Variants in CGNL1 observed in about 807,000 individuals in gnomAD.
CGNL1 encodes the protein cingulin like 1, also known as cingulin-like protein 1.
In CGNL1, 132 loss-of-function variants were observed where a neutral mutation model predicts 141.2. The observed-to-expected ratio is 0.93, with a 90% CI of 0.81 to 1.08. The LOEUF (loss-of-function observed/expected upper bound fraction) is 1.08. CGNL1 is among the 50% of genes least tolerant of loss of function. The pLI, the probability that CGNL1 is intolerant of heterozygous loss-of-function variation, is 0.00. For missense variants in CGNL1, 1,870 were observed against 1,588.6 expected (o/e 1.18, Z -3.01); for synonymous variants, 690 against 622.1 (o/e 1.11, Z -1.63).
chr15:57,390,091 C>T (rs2062525809), intron 1 of CGNL1, among the ~76,000 whole-genome samples: 1 of 152,208 alleles, frequency 6.6e-6, no homozygotes, highest in African/African-American at 2.4e-5. Context: ...GCTGGGATTA[C>T]AGGTGTGAGC....
chr15:57,418,933 CT>C (rs1555432553), intron 1 of CGNL1, among the ~76,000 whole-genome samples: 9 of 145,708 alleles, frequency 6.2e-5, no homozygotes, highest in Admixed American at 6.8e-5. Context: ...TGCCTGGTGC[CT>C]TTTTTTTTTT....
intron 10 of CGNL1, among the ~76,000 whole-genome samples, chr15:57,519,717 A>G (rs766381039): frequency 6.6e-6 from 1 of 151,946 alleles, no homozygotes; most frequent in South Asian, 2.1e-4. Context: ...CTGTTACCCA[A>G]CCTGGCTGCC....
chr15:57,531,900 G>A (rs1472576748), intron 14 of CGNL1, 121 bp downstream of exon 14: 6 of 651,966 alleles, frequency 9.2e-6, no homozygotes, highest in South Asian at 7.7e-5. Context: ...AGAAATTGAT[G>A]GAAGATTGAA....
At chr15:57,521,964 G>A (rs1448788007) in intron 10 of CGNL1, among the ~76,000 whole-genome samples, 2 of 152,012 alleles carry the variant, frequency 1.3e-5, no homozygotes, top group African/African-American at 4.8e-5. Flanking sequence ...TGTTTTGAGG[G>A]TTTTGTCCCA....
chr15:57,468,251 T>G (rs1408025228), intron 8 of CGNL1, among the ~76,000 whole-genome samples: 7 of 140,854 alleles, frequency 5.0e-5, no homozygotes, highest in Admixed American at 2.8e-4. Context: ...TTTTTTTTTT[T>G]TTTTTTTGAG....
Position 57,506,616 on chromosome 15 carries a change from G to A in CGNL1, c.2404-10164G>A, listed in dbSNP as rs2064106920. On this transcript the variant is annotated intron_variant, in intron 8 of 18. Coordinates refer to ENST00000281282, the MANE Select transcript of CGNL1 (RefSeq NM_032866.5). ...CCTTTTCCCTTCCCTGGCTGGCTCT[G>A]GGGAATTTTCCCTCAAGCTGCTGCC... is the stretch of plus-strand genomic sequence containing the variant. Among the ~76,000 whole-genome samples, 3 of 152,252 alleles carry A rather than the reference G, an allele frequency of 2.0e-5. No individual in the cohort carries two copies. The South Asian group carries it at 6.2e-4, about 32-fold the overall frequency.
intron 1 of CGNL1, among the ~76,000 whole-genome samples, chr15:57,433,927 C>CT (rs1386767546): frequency 7.5e-6 from 1 of 133,426 alleles, no homozygotes; most frequent in African/African-American, 2.8e-5. Flanking sequence ...CAGTGGAATA[C>CT]TTTTTTCTTT....
rs147270319 is a variant in CGNL1, at chr15:57,393,172, AAAAG to A, written c.-16+16612_-16+16615del. Among the ~76,000 whole-genome samples the A allele has an allele frequency of 7.9e-5, 12 of 152,362 alleles. No homozygotes were observed. The East Asian group carries it at 1.9e-3, about 24-fold the overall frequency. Reference sequence around the variant, plus strand: ...GTTCTAAGTTTGATGCTCATAAATCAAAAGAAAGAATGTTGTAACTGACATTTCT... The same window carrying A: ...GTTCTAAGTTTGATGCTCATAAATCAAAAGAATGTTGTAACTGACATTTCT... On this transcript the variant is annotated intron_variant, in intron 1 of 18. Transcript: ENST00000281282.
chr15:57,402,668 C>T (rs1247758711), intron 1 of CGNL1: 1 of 152,202 alleles, frequency 6.6e-6, no homozygotes, highest in African/African-American at 2.4e-5. Context: ...CAGTGTGTCT[C>T]CAACACCATC....
At chr15:57,446,605 A>G (rs1197970889) in intron 4 of CGNL1, among the ~76,000 whole-genome samples, 1 of 149,914 alleles carries the variant, frequency 6.7e-6, no homozygotes, top group Non-Finnish European at 1.5e-5. Flanking sequence ...AACATAGTGT[A>G]TACTCTTAGT....
At chr15:57,526,436 C>G (rs1453222583) in intron 12 of CGNL1, among the ~76,000 whole-genome samples, 3 of 151,856 alleles carry the variant, frequency 2.0e-5, no homozygotes, top group African/African-American at 7.3e-5. Flanking sequence ...CTGTTCACTG[C>G]CCCTCTGCTT....
chr15:57,543,154 C>T lies in CGNL1; in HGVS notation c.3292-542C>T, dbSNP rs28439006. On this transcript the variant is annotated intron_variant, in intron 14 of 18. Transcript: ENST00000281282. ...GAAATGATTCCTTGCCTCCTCCTAG[C>T]TTCTGGTGGTTTCTGGCAATCTTTG... is the stretch of plus-strand genomic sequence containing the variant. Among the ~76,000 whole-genome samples the T allele has an allele frequency of 3.1e-3, 470 of 152,272 alleles. 1 individual carries two copies. Among genetic ancestry groups the T allele is most frequent in the African/African-American group, 0.011 (444 of 41,546 alleles).
At chr15:57,505,944 G>A (rs2064096128) in intron 8 of CGNL1, among the ~76,000 whole-genome samples, 1 of 152,198 alleles carries the variant, frequency 6.6e-6, no homozygotes, top group African/African-American at 2.4e-5. Context: ...AAAGTTGAAG[G>A]ATCCGTTTTC....
At position 57,524,537 on chromosome 15, in the gene CGNL1, C is replaced by G. The variant is rs560050946; in HGVS notation, c.2869-44C>G. 1.6e-4 allele frequency: 250 copies of G among 1,554,408 alleles called. 4 individuals carry two copies. In the South Asian group the frequency reaches 2.5e-3, roughly 15 times the overall value. On this transcript the variant is annotated intron_variant, in intron 11 of 18. Transcript: ENST00000281282. ...TGAAATGGGACCCAGACCCTGGTCT[C>G]AGAGCATCCCAGGGTGGGCTCACAC... is the stretch of plus-strand genomic sequence containing the variant.
chr15:57,546,986 C>T (rs1294113902), intron 18 of CGNL1, among the ~76,000 whole-genome samples: 2 of 152,132 alleles, frequency 1.3e-5, no homozygotes, highest in African/African-American at 4.8e-5. Context: ...CACCAAAAAT[C>T]TCAATAATTA....
chr15:57,437,651 G>C, intron 1 of CGNL1, among the ~76,000 whole-genome samples: 1 of 55,118 alleles, frequency 1.8e-5, no homozygotes, highest in East Asian at 5.4e-4. Flanking sequence ...AAAAAAAAAG[G>C]CAACCAGAAC....
rs2431037 is a variant in CGNL1 at position 57,381,334 on chromosome 15, T to C, written c.-16+4767T>C. Among the ~76,000 whole-genome samples, 1,488 of 152,164 alleles carry C rather than the reference T, an allele frequency of 9.8e-3. 37 individuals carry two copies. Among genetic ancestry groups the C allele is most frequent in the East Asian group, 0.093 (480 of 5,166 alleles). ...CAGCACTTTGGGAGGCCGAGGCAGG[T>C]GGATCCCTTGAGCCCAGGAGGTCAA... On this transcript the variant is annotated intron_variant, in intron 1 of 18. Coordinates refer to ENST00000281282, the MANE Select transcript of CGNL1 (RefSeq NM_032866.5).
chr15:57,393,725 T>C (rs1238604452), intron 1 of CGNL1, among the ~76,000 whole-genome samples: 2 of 152,130 alleles, frequency 1.3e-5, no homozygotes, highest in Non-Finnish European at 2.9e-5. Context: ...AAAGACCAAA[T>C]GTCATGCTTA....
chr15:57,451,764 T>C (rs549460915), intron 5 of CGNL1, among the ~76,000 whole-genome samples, 163 bp downstream of exon 5: 3 of 152,266 alleles, frequency 2.0e-5, no homozygotes, highest in African/African-American at 7.2e-5. Flanking sequence ...GCTGCTGCTG[T>C]CCAAAGAATT....
Sources: gnomAD v4.1 joint callset for allele counts (sites outside exome capture counted in the v4.1 genomes callset) on GRCh38, gnomAD v4.1.1 for gene constraint, MANE v1.5 for transcripts, NCBI Gene and HGNC (gene_info 2026-07-23, HGNC 2026-07-21) for gene names.